The following FAM117B variants were observed in gnomAD, a reference collection of about 807,000 sequenced individuals.
FAM117B encodes the protein family with sequence similarity 117 member B.
In FAM117B, 22 loss-of-function variants were observed where a neutral mutation model predicts 52.8. That is an observed-to-expected ratio of 0.42 (90% confidence interval 0.30 to 0.59). The LOEUF is 0.59. FAM117B is among the 20% of genes least tolerant of loss of function. The pLI is 0.22. For missense variants in FAM117B, 678 were observed against 802.6 expected (o/e 0.84, Z 1.88); for synonymous variants, 309 against 324.1 (o/e 0.95, Z 0.50).
intron 1 of FAM117B, among the ~76,000 whole-genome samples, chr2:202,665,188 T>TA (rs1690184372): frequency 6.8e-6 from 1 of 147,682 alleles, no homozygotes; most frequent in Admixed American, 6.8e-5. Flanking sequence ...TCTTTTTTCT[T>TA]TTTTTTTTTT....
At chr2:202,706,417 G>A (rs975229653) in intron 2 of FAM117B, among the ~76,000 whole-genome samples, 1 of 152,106 alleles carries the variant, frequency 6.6e-6, no homozygotes, top group Non-Finnish European at 1.5e-5. Context: ...CAATTTATAG[G>A]TTGGCATTTG....
rs1052732194 is a variant in FAM117B, at chr2:202,769,174, A to C, written c.*3410A>C. 5 of 152,212 alleles carry C rather than the reference A, an allele frequency of 3.3e-5. No homozygotes were observed. Among genetic ancestry groups the C allele is most frequent in the Admixed American group, 2.6e-4 (4 of 15,278 alleles). The allele number at this position is 152,212 out of a possible 1,614,324, so 9.4% of individuals were successfully genotyped here. On this transcript the variant is annotated 3_prime_UTR_variant, in exon 8 of 8. Transcript: ENST00000392238. ...TAACTGTGGAATATTTGACGACATG[A>C]AAGTCCTTTTTCTTTGCTTTCAGTG...
intron 2 of FAM117B, among the ~76,000 whole-genome samples, chr2:202,700,496 A>G (rs1233945851): frequency 6.6e-6 from 1 of 152,228 alleles, no homozygotes; most frequent in African/African-American, 2.4e-5. Context: ...TATGAAGGCT[A>G]AGATAGGCGA....
chr2:202,716,702 TTTTC>T (rs1691061536), intron 2 of FAM117B, among the ~76,000 whole-genome samples: 1 of 152,130 alleles, frequency 6.6e-6, no homozygotes, highest in Non-Finnish European at 1.5e-5. Flanking sequence ...ATTGTTTTCG[TTTTC>T]TTTTTTTTCT....
rs2105804530 is a variant in FAM117B, at chr2:202,769,575, T to A, written c.*3811T>A. The stretch of plus-strand genomic sequence containing the variant: ...ATTTTTTGTCTCTGTGGAAGCTGTG[T>A]AACTCTTTTTAAAATGCAATTTAAA... On this transcript the variant is annotated 3_prime_UTR_variant, in exon 8 of 8. Transcript: ENST00000392238. 6.5e-6 allele frequency: 1 copy of A among 152,776 alleles called. No individual in the cohort carries two copies. Among genetic ancestry groups the A allele is most frequent in the African/African-American group, 2.4e-5 (1 of 41,586 alleles). 9.5% of individuals were successfully genotyped at this position (152,776 alleles called of 1,614,324 possible).
At chr2:202,680,219 G>A (rs967421642) in intron 1 of FAM117B, among the ~76,000 whole-genome samples, 1 of 152,000 alleles carries the variant, frequency 6.6e-6, no homozygotes, top group Admixed American at 6.6e-5. Flanking sequence ...TGATAACATG[G>A]GCGTGATTGT....
At position 202,731,055 on chromosome 2, in the gene FAM117B, A is replaced by G. The variant is rs1691336765; in HGVS notation, c.960+4692A>G. On this transcript the variant is annotated intron_variant, in intron 4 of 7. Transcript: ENST00000392238. ...CTTGCAACTCAGTAACTCACAAATC[A>G]TATATCTGATAAGGCATTTGTGTCT... Among the ~76,000 whole-genome samples, 5 of 152,146 alleles carry G rather than the reference A, an allele frequency of 3.3e-5. No individual in the cohort carries two copies. In the South Asian group the frequency reaches 8.3e-4, roughly 25 times the overall value.
At chr2:202,741,236 A>G (rs944280794) in intron 4 of FAM117B, among the ~76,000 whole-genome samples, 1 of 151,924 alleles carries the variant, frequency 6.6e-6, no homozygotes, top group African/African-American at 2.4e-5. Context: ...CCTGGTCAAC[A>G]TGGTGAAACG....
chr2:202,759,194 A>G (rs769707657), intron 6 of FAM117B, 39 bp from the exon 7 acceptor site: 10 of 1,610,004 alleles, frequency 6.2e-6, no homozygotes, highest in Non-Finnish European at 5.1e-6. Context: ...TAGTATGACT[A>G]TACATTTATG....
Position 202,765,600 on chromosome 2 carries a change from C to A in FAM117B, c.1606C>A (p.Leu536Met), listed in dbSNP as rs1042569929. Residue 536 changes from leucine (L) to methionine (M), a missense_variant, in exon 8 of 8, where the codon CTG becomes ATG. Leu to Met is a conservative substitution (Grantham distance 15). Transcript: ENST00000392238. ...TACACTCAAGGGCTCTGGCCACAGC[C>A]TGACAGTCACCACTGGCATGACAAC... ...DLTLKGSGHS[L>M]TVTTGMTTTL... is the part of the protein sequence containing the mutation. 10 of 1,614,078 alleles carry A rather than the reference C, an allele frequency of 6.2e-6. No homozygotes were observed. In the Admixed American group the frequency reaches 1.3e-4, roughly 22 times the overall value.
chr2:202,726,291 C>T lies in FAM117B; in HGVS notation c.888C>T (p.Ser296=), dbSNP rs1691244154. The T allele has an allele frequency of 1.2e-6, 2 of 1,613,580 alleles. No individual in the cohort carries two copies. The highest frequency in any genetic ancestry group is 2.7e-5 in the African/African-American group (2 of 74,874). Residue 296 remains serine (S), a synonymous_variant, in exon 4 of 8, where the codon AGC becomes AGT. Transcript: ENST00000392238. ...LRQQLQRSKH[S]SRHHRDKERQ... ...AGCAGTTGCAGAGAAGTAAACACAG[C>T]AGTCGGCATCATCGAGATAAAGAAA...
At chr2:202,754,888 CAAAAAAAA>C (rs149747057) in intron 4 of FAM117B, among the ~76,000 whole-genome samples, 1 of 85,716 alleles carries the variant, frequency 1.2e-5, no homozygotes, top group Non-Finnish European at 2.1e-5. Context: ...AGATTCGTCT[CAAAAAAAA>C]AAAAAAAAAA....
intron 1 of FAM117B, among the ~76,000 whole-genome samples, chr2:202,683,531 T>G (rs1471525209): frequency 2.0e-5 from 3 of 152,146 alleles, no homozygotes; most frequent in Non-Finnish European, 4.4e-5. Context: ...TAAAGGAACA[T>G]TATGGACAAC....
rs548345302 is a variant in FAM117B at position 202,659,020 on chromosome 2, T to A, written c.601+23232T>A. Among the ~76,000 whole-genome samples, 4 of 152,224 alleles carry A rather than the reference T, an allele frequency of 2.6e-5. No individual in the cohort carries two copies. The East Asian group carries it at 7.7e-4, about 29-fold the overall frequency. ...CTTTCCTGTCTTTTTTATTTTTATTTTTTTGAGATGGAATATCTCTCTGTC... is the reference window on the plus strand; with the variant it reads ...CTTTCCTGTCTTTTTTATTTTTATTATTTTGAGATGGAATATCTCTCTGTC... On this transcript the variant is annotated intron_variant, in intron 1 of 7. Transcript: ENST00000392238.
In FAM117B at chr2:202,763,070, C is replaced by CT. The variant is rs11292183; in HGVS notation, c.1452-2357dup. Among the ~76,000 whole-genome samples the CT allele has an allele frequency of 9.0e-3, 959 of 106,948 alleles. 9 individuals are homozygous for CT. Among genetic ancestry groups the CT allele is most frequent in the African/African-American group, 0.023 (610 of 26,322 alleles). 70.2% of individuals were successfully genotyped at this position (106,948 alleles called of 152,430 possible). On this transcript the variant is annotated intron_variant, in intron 7 of 7. Transcript: ENST00000392238. ...CTATTAGCAGCCACGAGTCTTAAGT[C>CT]TTTTTTTTTTTTTTTTTTTGAGACA...
chr2:202,721,111 C>T (rs1028641705), intron 2 of FAM117B, among the ~76,000 whole-genome samples: 1 of 152,062 alleles, frequency 6.6e-6, no homozygotes, highest in African/African-American at 2.4e-5. Flanking sequence ...GGGTTCCTCC[C>T]CTCTTCCATG....
In FAM117B at chr2:202,768,118, A is replaced by G. The variant is rs1692013048; in HGVS notation, c.*2354A>G. The G allele has an allele frequency of 6.6e-6, 1 of 152,204 alleles. No individual in the cohort carries two copies. Among genetic ancestry groups the G allele is most frequent in the Non-Finnish European group, 1.5e-5 (1 of 68,034 alleles). 9.4% of individuals were successfully genotyped at this position (152,204 alleles called of 1,614,324 possible). On this transcript the variant is annotated 3_prime_UTR_variant, in exon 8 of 8. Coordinates refer to ENST00000392238, the MANE Select transcript of FAM117B (RefSeq NM_173511.4). ...GAACTCTTGGTTTTTGGATGACTTGAATTCTGTTAAATCTGTGTTCTTGGC... is the reference window on the plus strand; with the variant it reads ...GAACTCTTGGTTTTTGGATGACTTGGATTCTGTTAAATCTGTGTTCTTGGC...
intron 2 of FAM117B, among the ~76,000 whole-genome samples, chr2:202,720,511 A>G (rs1437591188): frequency 6.6e-6 from 1 of 151,990 alleles, no homozygotes; most frequent in Non-Finnish European, 1.5e-5. Context: ...AATATTTTCT[A>G]TATAGCTACA....
intron 4 of FAM117B, among the ~76,000 whole-genome samples, chr2:202,732,873 TA>T (rs34605625): frequency 0.34 from 45,533 of 132,240 alleles, 8,387 homozygotes; most frequent in African/African-American, 0.54. Context: ...AACATGCTAG[TA>T]AAAAAAAAAA....
Sources: allele counts gnomAD v4.1 joint callset (sites outside exome capture counted in the v4.1 genomes callset), GRCh38; gene constraint gnomAD v4.1.1; transcripts MANE v1.5; gene names NCBI Gene and HGNC (gene_info 2026-07-23, HGNC 2026-07-21).